MAD1L1: variants seen among roughly 807,000 people sequenced by gnomAD.
MAD1L1 encodes the protein mitotic spindle assembly checkpoint protein MAD1.
A neutral mutation model predicts 96.9 loss-of-function variants in MAD1L1; 95 were observed. The observed-to-expected ratio is 0.98, with a 90% CI of 0.83 to 1.16. The LOEUF is 1.16. Ranked by LOEUF, MAD1L1 falls within the 50% of genes most tolerant of loss-of-function variation. The probability of loss-of-function intolerance (pLI) is 0.00; values close to 1 mark genes in which losing one functional copy is unlikely to be tolerated. For missense variants in MAD1L1, 1,007 were observed against 954.4 expected (o/e 1.06, Z -0.73); for synonymous variants, 473 against 396.6 (o/e 1.19, Z -2.29).
At chr7:2,199,083 T>C (rs992311326) in intron 10 of MAD1L1, among the ~76,000 whole-genome samples, 2 of 152,206 alleles carry the variant, frequency 1.3e-5, no homozygotes, top group Admixed American at 6.5e-5. Context: ...GCCTGTATGA[T>C]GCCAGCCTGA....
chr7:1,865,394 A>T (rs1784732330), intron 18 of MAD1L1, among the ~76,000 whole-genome samples: 1 of 152,350 alleles, frequency 6.6e-6, no homozygotes, highest in African/African-American at 2.4e-5. Context: ...GGGGCATCCC[A>T]GCCCTGCTGC....
intron 12 of MAD1L1, among the ~76,000 whole-genome samples, chr7:2,043,574 G>A (rs1469877394): frequency 6.6e-6 from 1 of 152,232 alleles, no homozygotes; most frequent in African/African-American, 2.4e-5. Context: ...TGCCTACAAG[G>A]ACGCTGGGTC....
chr7:2,210,003 G>A (rs990047477), intron 10 of MAD1L1: 7 of 152,244 alleles, frequency 4.6e-5, no homozygotes, highest in African/African-American at 1.7e-4. Context: ...CCAGACACGG[G>A]AAATTCCTAA....
At chr7:1,963,450 G>A (rs2128476222) in intron 15 of MAD1L1, among the ~76,000 whole-genome samples, 1 of 152,334 alleles carries the variant, frequency 6.6e-6, no homozygotes, top group African/African-American at 2.4e-5. Flanking sequence ...AGGGATTCCT[G>A]TCAAACAAGA....
At chr7:1,906,347 A>G (rs4504537) in intron 17 of MAD1L1, among the ~76,000 whole-genome samples, 8,780 of 152,150 alleles carry the variant, frequency 0.058, 614 homozygotes, top group African/African-American at 0.16. Flanking sequence ...GCAAGACTTG[A>G]GCTGAGGCAG....
At chr7:2,113,106 T>C (rs529386129) in intron 11 of MAD1L1, among the ~76,000 whole-genome samples, 20 of 143,172 alleles carry the variant, frequency 1.4e-4, no homozygotes, top group African/African-American at 4.0e-4. Context: ...GGGCAGAGCC[T>C]CCCTCAGCAA....
At chr7:1,936,552 C>G in intron 17 of MAD1L1, 135 bp downstream of exon 17, 1 of 914,218 alleles carries the variant, frequency 1.1e-6, no homozygotes, top group Non-Finnish European at 1.6e-6. Context: ...AACCACCAGA[C>G]CCGGCTGCCC....
intron 11 of MAD1L1, among the ~76,000 whole-genome samples, chr7:2,083,145 C>T (rs1446290112): frequency 6.6e-6 from 1 of 152,200 alleles, no homozygotes; most frequent in African/African-American, 2.4e-5. Context: ...AAGCATTCCC[C>T]GTGCTGAGTA....
At chr7:1,961,845 T>C (rs2128475547) in intron 15 of MAD1L1, among the ~76,000 whole-genome samples, 1 of 152,038 alleles carries the variant, frequency 6.6e-6, no homozygotes, top group African/African-American at 2.4e-5. Context: ...CACAGGGCGG[T>C]TTCCCCCATA....
At chr7:2,034,235 T>TTG (rs1440821958) in intron 12 of MAD1L1, among the ~76,000 whole-genome samples, 5 of 151,838 alleles carry the variant, frequency 3.3e-5, no homozygotes, top group African/African-American at 9.7e-5. Context: ...TTTTTTTTTT[T>TTG]GGAGACGGAG....
intron 18 of MAD1L1, among the ~76,000 whole-genome samples, chr7:1,822,017 C>T (rs1782151253): frequency 6.6e-6 from 1 of 152,068 alleles, no homozygotes; most frequent in South Asian, 2.1e-4. Context: ...ACGTGGAAAA[C>T]CCTAAGCAAT....
At chr7:1,966,812 G>T (rs1780188804) in intron 15 of MAD1L1, among the ~76,000 whole-genome samples, 1 of 152,266 alleles carries the variant, frequency 6.6e-6, no homozygotes, top group African/African-American at 2.4e-5. Flanking sequence ...TGGCGTGCTG[G>T]GAGGCGAGGG....
At chr7:2,044,207 G>T (rs189745014) in intron 12 of MAD1L1, among the ~76,000 whole-genome samples, 1 of 152,234 alleles carries the variant, frequency 6.6e-6, no homozygotes, top group Non-Finnish European at 1.5e-5. Context: ...GGTCACTCTT[G>T]CTCATTCCTC....
At chr7:2,005,039 C>T (rs2128493851) in intron 13 of MAD1L1, among the ~76,000 whole-genome samples, 1 of 152,190 alleles carries the variant, frequency 6.6e-6, no homozygotes, top group East Asian at 1.9e-4. Flanking sequence ...CTTGGAGCAG[C>T]TCCCGTGAGA....
intron 13 of MAD1L1, among the ~76,000 whole-genome samples, chr7:2,014,080 GGC>G (rs1299490643): frequency 1.3e-5 from 2 of 152,192 alleles, no homozygotes; most frequent in East Asian, 3.9e-4. Context: ...CTGCCCGTCA[GGC>G]CCCAGCAGAG....
At chr7:2,076,277 C>A (rs936222362) in intron 11 of MAD1L1, among the ~76,000 whole-genome samples, 14 of 152,238 alleles carry the variant, frequency 9.2e-5, no homozygotes, top group Non-Finnish European at 1.5e-5. Flanking sequence ...TGATGGTGAC[C>A]AAACGGGGGC....
At chr7:1,891,583 CTTA>C (rs1562495950) in intron 18 of MAD1L1, among the ~76,000 whole-genome samples, 2 of 151,912 alleles carry the variant, frequency 1.3e-5, no homozygotes, top group Admixed American at 6.6e-5. Flanking sequence ...AAACTTTATT[CTTA>C]TTATTATTAG....
intron 12 of MAD1L1, among the ~76,000 whole-genome samples, chr7:2,033,756 G>T (rs1013426903): frequency 6.6e-6 from 1 of 152,222 alleles, no homozygotes; most frequent in African/African-American, 2.4e-5. Context: ...AAACGAGTCA[G>T]CAAAACTGGC....
intron 11 of MAD1L1, 29 bp downstream of exon 11, chr7:2,149,123 C>CCACAAG: frequency 1.9e-6 from 3 of 1,610,400 alleles, no homozygotes; most frequent in Non-Finnish European, 8.5e-7. Flanking sequence ...AAACGCATCC[C>CCACAAG]CACAAGCACC....
Sources: allele counts gnomAD v4.1 joint callset (sites outside exome capture counted in the v4.1 genomes callset), GRCh38; gene constraint gnomAD v4.1.1; transcripts MANE v1.5; gene names NCBI Gene and HGNC (gene_info 2026-07-23, HGNC 2026-07-21).